THSD7B: variants seen among roughly 807,000 people sequenced by gnomAD.
THSD7B encodes the protein thrombospondin type 1 domain containing 7B, also known as thrombospondin type-1 domain-containing protein 7B.
A neutral mutation model predicts 213.6 loss-of-function variants in THSD7B; 138 were observed. The ratio of observed to expected loss-of-function variants is 0.65; its 90% CI spans 0.56 to 0.74. The LOEUF is 0.74. Among genes scored for constraint, THSD7B ranks in the 30% least tolerant of loss-of-function variants. The pLI is 0.00. For synonymous variants in THSD7B, 742 were observed against 687.0 expected (o/e 1.08, Z -1.25); for missense variants, 1,931 against 1,991.5 (o/e 0.97, Z 0.58).
intron 3 of THSD7B, among the ~76,000 whole-genome samples, chr2:137,084,898 T>C (rs1018669574): frequency 6.6e-6 from 1 of 152,222 alleles, no homozygotes; most frequent in African/African-American, 2.4e-5. Context: ...GCCTTAGGAA[T>C]TATAAGTTGT....
intron 15 of THSD7B, among the ~76,000 whole-genome samples, chr2:137,504,025 CA>C (rs1317714145): frequency 8.2e-4 from 67 of 81,220 alleles, no homozygotes; most frequent in South Asian, 6.4e-3. Context: ...GACTCCATCT[CA>C]AAAAAAAAAA....
chr2:137,363,650 A>C (rs906615635), intron 12 of THSD7B, among the ~76,000 whole-genome samples: 1 of 152,234 alleles, frequency 6.6e-6, no homozygotes, highest in Non-Finnish European at 1.5e-5. Flanking sequence ...GAAATGGATA[A>C]ATTCCTCAAC....
intron 17 of THSD7B, among the ~76,000 whole-genome samples, chr2:137,587,970 T>C (rs1681776130): frequency 6.6e-6 from 1 of 152,190 alleles, no homozygotes; most frequent in Admixed American, 6.5e-5. Flanking sequence ...CTTTGAGCTG[T>C]GGTGGGCTCC....
At position 136,875,391 on chromosome 2, in the gene THSD7B, C is replaced by T. The variant is rs150154709; in HGVS notation, c.-35-6753C>T. ...GAGCCGAGATCGTGCCACTGCACTC[C>T]AGCCTGAGTGACAGAGCGAGACTGT... On this transcript the variant is annotated intron_variant, in intron 1 of 27. Transcript: ENST00000409968. Among the ~76,000 whole-genome samples, 1,066 of 152,246 alleles carry T rather than the reference C, an allele frequency of 7.0e-3. 12 individuals are homozygous for T. The highest frequency in any genetic ancestry group is 0.042 in the East Asian group (216 of 5,180).
intron 7 of THSD7B, among the ~76,000 whole-genome samples, chr2:137,183,593 A>G (rs147004614): frequency 1.3e-5 from 2 of 152,282 alleles, no homozygotes; most frequent in South Asian, 2.1e-4. Context: ...TTAATTAATT[A>G]AAGAAAATGC....
intron 12 of THSD7B, among the ~76,000 whole-genome samples, chr2:137,378,894 A>G (rs904977780): frequency 2.0e-5 from 3 of 152,128 alleles, no homozygotes; most frequent in Admixed American, 6.5e-5. Context: ...CTCCTCTGTG[A>G]CCCACATGTG....
chr2:137,058,281 T>C (rs1687205695), intron 3 of THSD7B, among the ~76,000 whole-genome samples: 1 of 152,208 alleles, frequency 6.6e-6, no homozygotes, highest in Non-Finnish European at 1.5e-5. Context: ...TGCAGCTTTT[T>C]ATTGCCTACT....
Position 136,944,597 on chromosome 2 carries a change from G to C in THSD7B, c.139+62280G>C, listed in dbSNP as rs145387037. Among the ~76,000 whole-genome samples the C allele has an allele frequency of 8.7e-3, 1,321 of 152,086 alleles. 28 individuals carry two copies. Among genetic ancestry groups the C allele is most frequent in the African/African-American group, 0.031 (1,279 of 41,466 alleles). On this transcript the variant is annotated intron_variant, in intron 2 of 27. Transcript: ENST00000409968. Reference sequence around the variant, plus strand: ...TGGGTGCATATATATATTTAGGATCGTTAGCTCTTCTTGTTGAATTGATCC... The same window carrying C: ...TGGGTGCATATATATATTTAGGATCCTTAGCTCTTCTTGTTGAATTGATCC...
intron 4 of THSD7B, among the ~76,000 whole-genome samples, chr2:137,104,116 G>A (rs1288174827): frequency 6.6e-6 from 1 of 152,104 alleles, no homozygotes; most frequent in Non-Finnish European, 1.5e-5. Flanking sequence ...TTCTAAAATT[G>A]ACCATGCCAT....
At chr2:137,271,819 G>A (rs968753861) in intron 10 of THSD7B, among the ~76,000 whole-genome samples, 4 of 152,008 alleles carry the variant, frequency 2.6e-5, no homozygotes, top group Non-Finnish European at 5.9e-5. Flanking sequence ...AACGATAATT[G>A]ATTTTTGTTG....
At chr2:136,805,839 C>T (rs1682270560) in intron 1 of THSD7B, among the ~76,000 whole-genome samples, 1 of 152,200 alleles carries the variant, frequency 6.6e-6, no homozygotes. Context: ...TCCTCTGGTC[C>T]CTTCAGGTTA....
chr2:137,627,905 T>G (rs1412593941), intron 20 of THSD7B, among the ~76,000 whole-genome samples: 1 of 152,234 alleles, frequency 6.6e-6, no homozygotes, highest in Non-Finnish European at 1.5e-5. Flanking sequence ...TAAGAGGCAG[T>G]CAGGCATGGT....
intron 2 of THSD7B, among the ~76,000 whole-genome samples, chr2:136,962,846 C>G (rs1329001813): frequency 6.6e-6 from 1 of 152,138 alleles, no homozygotes; most frequent in East Asian, 1.9e-4. Flanking sequence ...TTTGTGGGGT[C>G]TTTAAATTTT....
chr2:136,901,795 T>C (rs1684067566), intron 2 of THSD7B, among the ~76,000 whole-genome samples: 1 of 152,224 alleles, frequency 6.6e-6, no homozygotes, highest in Admixed American at 6.5e-5. Flanking sequence ...TTGAAAAACA[T>C]CTTGTATTCA....
intron 2 of THSD7B, among the ~76,000 whole-genome samples, chr2:137,013,089 C>A (rs944100218): frequency 6.6e-6 from 1 of 152,228 alleles, no homozygotes; most frequent in East Asian, 1.9e-4. Context: ...ATACATAAAT[C>A]AATTACTTTT....
intron 16 of THSD7B, among the ~76,000 whole-genome samples, chr2:137,571,865 T>C (rs895778282): frequency 6.6e-6 from 1 of 152,204 alleles, no homozygotes; most frequent in Non-Finnish European, 1.5e-5. Context: ...AGAAGTTACC[T>C]GAAAGAATAC....
intron 2 of THSD7B, among the ~76,000 whole-genome samples, chr2:136,987,379 T>C (rs1293611360): frequency 6.6e-6 from 1 of 152,062 alleles, no homozygotes; most frequent in African/African-American, 2.4e-5. Flanking sequence ...ATGGAATACT[T>C]TAAAAAATAT....
chr2:137,659,659 TGC>T lies in THSD7B; in HGVS notation c.4376-4_4376-3del, dbSNP rs764893470. ...CTGCAAATGATGGTGGAATTTCCTT[TGC>T]AGGAGGCTGCTCCCCTCAGGCCCGT... is the stretch of plus-strand genomic sequence containing the variant. On this transcript the variant is annotated splice_polypyrimidine_tract_variant and splice_region_variant and intron_variant, in intron 24 of 27. Transcript: ENST00000409968. 5.7e-6 allele frequency: 9 copies of T among 1,589,362 alleles called. No individual in the cohort carries two copies. The highest frequency in any genetic ancestry group is 6.8e-6 in the Non-Finnish European group (8 of 1,168,592).
At chr2:137,113,657 G>GA (rs1688393743) in intron 4 of THSD7B, among the ~76,000 whole-genome samples, 3 of 151,930 alleles carry the variant, frequency 2.0e-5, no homozygotes, top group Admixed American at 1.3e-4. Context: ...GGCTGGTCTC[G>GA]AACTCCTGAC....
Sources: allele counts gnomAD v4.1 joint callset (sites outside exome capture counted in the v4.1 genomes callset), GRCh38; gene constraint gnomAD v4.1.1; transcripts MANE v1.5; gene names NCBI Gene and HGNC (gene_info 2026-07-23, HGNC 2026-07-21).